Variants in STAM2 observed in about 807,000 individuals in gnomAD.
STAM2 encodes the protein signal transducing adapter molecule 2.
A neutral mutation model predicts 65.6 loss-of-function variants in STAM2; 51 were observed. The ratio of observed to expected loss-of-function variants is 0.78; its 90% CI spans 0.62 to 0.98. The LOEUF (loss-of-function observed/expected upper bound fraction) is 0.98. Ranked by LOEUF, STAM2 falls within the 50% of genes least tolerant of loss-of-function variation. The probability of loss-of-function intolerance (pLI) is 0.00; values close to 1 mark genes in which losing one functional copy is unlikely to be tolerated. For missense variants in STAM2, 584 were observed against 617.8 expected (o/e 0.95, Z 0.58); for synonymous variants, 198 against 208.4 (o/e 0.95, Z 0.43).
rs1251204674 is a variant in STAM2, at chr2:152,144,003, T to A, written c.528A>T (p.Leu176Phe). The A allele has an allele frequency of 1.9e-6, 3 of 1,608,566 alleles. No individual in the cohort carries two copies. The East Asian group carries it at 6.7e-5, about 36-fold the overall frequency. Residue 176 changes from leucine (L) to phenylalanine (F), a missense_variant, in exon 7 of 14, where the codon TTA becomes TTT. Transcript: ENST00000263904. ...GTTGCTGTTTCTGTTCTTGCAGCGATAATTCAATAGCTAGTTTCAAAAATT... is the reference window on the plus strand; with the variant it reads ...GTTGCTGTTTCTGTTCTTGCAGCGAAAATTCAATAGCTAGTTTCAAAAATT... ...EDEDIAKAIE[L>F]SLQEQKQQHT...
chr2:152,143,488 T>G (rs1177540969), intron 7 of STAM2, among the ~76,000 whole-genome samples: 5 of 152,208 alleles, frequency 3.3e-5, no homozygotes, highest in Non-Finnish European at 1.5e-5. Flanking sequence ...GCTGTATTTC[T>G]TCCTAAAGTT....
At chr2:152,135,361 G>T in intron 8 of STAM2, 148 bp downstream of exon 8, 1 of 612,332 alleles carries the variant, frequency 1.6e-6, no homozygotes, top group Non-Finnish European at 2.8e-6. Context: ...CCTTAATTTG[G>T]TTAAAAAGTA....
chr2:152,134,260 A>C (rs941536010), intron 8 of STAM2, among the ~76,000 whole-genome samples: 1 of 152,226 alleles, frequency 6.6e-6, no homozygotes, highest in Admixed American at 6.5e-5. Flanking sequence ...AGTCAGCATA[A>C]CACAAGGATA....
chr2:152,148,335 A>AC, intron 2 of STAM2, 35 bp from the exon 3 acceptor site: 1 of 1,460,798 alleles, frequency 6.8e-7, no homozygotes, highest in Non-Finnish European at 9.5e-7. Context: ...ACAGTTAAGT[A>AC]TTTACTGATA....
intron 1 of STAM2, among the ~76,000 whole-genome samples, chr2:152,158,617 C>T (rs1579330334): frequency 6.6e-6 from 1 of 152,264 alleles, no homozygotes; most frequent in South Asian, 2.1e-4. Flanking sequence ...TTGGACATGA[C>T]TAAAGCAATT....
chr2:152,138,740 T>C (rs929866283), intron 7 of STAM2, among the ~76,000 whole-genome samples: 1 of 152,216 alleles, frequency 6.6e-6, no homozygotes, highest in East Asian at 1.9e-4. Context: ...TTCTAAGATA[T>C]CATATCTGCA....
chr2:152,148,341 T>C, intron 2 of STAM2, 41 bp from the exon 3 acceptor site: 1 of 1,455,858 alleles, frequency 6.9e-7, no homozygotes, highest in Non-Finnish European at 9.5e-7. Flanking sequence ...AAGTATTTAC[T>C]GATAAATTTA....
At chr2:152,139,471 T>A (rs916559580) in intron 7 of STAM2, among the ~76,000 whole-genome samples, 1 of 152,184 alleles carries the variant, frequency 6.6e-6, no homozygotes, top group African/African-American at 2.4e-5. Context: ...GGAGGAGGCC[T>A]GCTTGAGGCC....
chr2:152,145,694 G>A (rs1325998480), intron 5 of STAM2, among the ~76,000 whole-genome samples: 2 of 152,216 alleles, frequency 1.3e-5, no homozygotes, highest in Non-Finnish European at 2.9e-5. Flanking sequence ...ACAGAGACAA[G>A]AGGTGCAGTT....
At chr2:152,132,884 A>C (rs1239536188) in intron 10 of STAM2, among the ~76,000 whole-genome samples, 2 of 152,136 alleles carry the variant, frequency 1.3e-5, no homozygotes, top group Non-Finnish European at 2.9e-5. Flanking sequence ...ATTTTGACTC[A>C]ATTTGATGTA....
intron 7 of STAM2, among the ~76,000 whole-genome samples, chr2:152,140,167 A>G (rs1281028211): frequency 6.6e-6 from 1 of 152,224 alleles, no homozygotes; most frequent in Admixed American, 6.5e-5. Flanking sequence ...ACTGGGAGCT[A>G]AAAAGCAGAG....
In STAM2 at chr2:152,119,466, T is replaced by C. The variant is rs1028633275; in HGVS notation, c.*1108A>G. ...CAATTTTTTCAACAGCTTGGTATGT[T>C]GACAGCTTAGCAACGGTACTTGAAT... On this transcript the variant is annotated 3_prime_UTR_variant, in exon 14 of 14. Coordinates refer to ENST00000263904, the MANE Select transcript of STAM2 (RefSeq NM_005843.6). 3.3e-5 allele frequency: 5 copies of C among 152,214 alleles called. No homozygotes were observed. Among genetic ancestry groups the C allele is most frequent in the African/African-American group, 9.7e-5 (4 of 41,446 alleles). 9.4% of individuals were successfully genotyped at this position (152,214 alleles called of 1,614,324 possible).
At chr2:152,141,953 T>C (rs16830744) in intron 7 of STAM2, among the ~76,000 whole-genome samples, 22,680 of 151,914 alleles carry the variant, frequency 0.15, 2,578 homozygotes, top group East Asian at 0.57. Flanking sequence ...AAGGGACTTC[T>C]GTGTGTGAAA....
intron 1 of STAM2, among the ~76,000 whole-genome samples, chr2:152,174,989 C>T (rs940586728): frequency 5.3e-5 from 8 of 152,140 alleles, no homozygotes; most frequent in Non-Finnish European, 1.0e-4. Context: ...TGGAGATTTC[C>T]TTTTCATACT....
chr2:152,127,700 T>C (rs1688986038), intron 11 of STAM2, among the ~76,000 whole-genome samples: 1 of 152,142 alleles, frequency 6.6e-6, no homozygotes, highest in South Asian at 2.1e-4. Context: ...TTGGTTGATT[T>C]TGAGAAAGTA....
At chr2:152,125,414 T>TC (rs1320748987) in intron 12 of STAM2, among the ~76,000 whole-genome samples, 1 of 152,218 alleles carries the variant, frequency 6.6e-6, no homozygotes, top group Non-Finnish European at 1.5e-5. Context: ...CCTTGGTGTC[T>TC]CCTTCACATG....
intron 1 of STAM2, among the ~76,000 whole-genome samples, chr2:152,167,469 A>T (rs1689807783): frequency 6.6e-6 from 1 of 152,246 alleles, no homozygotes; most frequent in Non-Finnish European, 1.5e-5. Flanking sequence ...GATGAGGGAA[A>T]AGAATGTTTC....
Position 152,136,308 on chromosome 2 carries a change from T to C in STAM2, c.705-705A>G, listed in dbSNP as rs1231756251. 3.3e-5 allele frequency among the ~76,000 whole-genome samples: 5 copies of C among 151,888 alleles called. No homozygotes were observed. In the East Asian group the frequency reaches 5.8e-4, roughly 18 times the overall value. On this transcript the variant is annotated intron_variant, in intron 7 of 13. Coordinates refer to ENST00000263904, the MANE Select transcript of STAM2 (RefSeq NM_005843.6). ...AAATACAAAAATTAGCCGGGTGTGG[T>C]GGCAGGTGCCTGTAATCCCAGCAAC...
chr2:152,146,707 A>G (rs1689342253), intron 5 of STAM2, among the ~76,000 whole-genome samples: 1 of 152,018 alleles, frequency 6.6e-6, no homozygotes, highest in Non-Finnish European at 1.5e-5. Flanking sequence ...TCAAAATTCT[A>G]CCTCTTTACC....
Sources: gnomAD v4.1 joint callset for allele counts (sites outside exome capture counted in the v4.1 genomes callset) on GRCh38, gnomAD v4.1.1 for gene constraint, MANE v1.5 for transcripts, NCBI Gene and HGNC (gene_info 2026-07-23, HGNC 2026-07-21) for gene names.